The following SUMF1 variants were observed in gnomAD, a reference collection of about 807,000 sequenced individuals.
The protein encoded by SUMF1 is sulfatase modifying factor 1, also known as formylglycine-generating enzyme.
A neutral mutation model predicts 47.6 loss-of-function variants in SUMF1; 48 were observed. The observed-to-expected ratio is 1.01, with a 90% CI of 0.80 to 1.28. The LOEUF (loss-of-function observed/expected upper bound fraction) is 1.28. SUMF1 is among the 50% of genes most tolerant of loss of function. The pLI is 0.00. For synonymous variants in SUMF1, 230 were observed against 192.1 expected (o/e 1.20, Z -1.63); for missense variants, 571 against 485.4 (o/e 1.18, Z -1.66).
chr3:4,067,936 T>C (rs1458753907), intron 9 of SUMF1, among the ~76,000 whole-genome samples: 1 of 152,160 alleles, frequency 6.6e-6, no homozygotes, highest in Non-Finnish European at 1.5e-5. Context: ...TTGTCCCTTT[T>C]TTCAGATAAA....
intron 7 of SUMF1, among the ~76,000 whole-genome samples, chr3:4,404,783 A>T (rs1271045276): frequency 1.3e-5 from 2 of 152,140 alleles, no homozygotes; most frequent in Non-Finnish European, 2.9e-5. Flanking sequence ...AAAACAAAAC[A>T]AAACAAAAAA....
intron 5 of SUMF1, 101 bp downstream of exon 5, chr3:4,417,906 GTTA>G: frequency 1.9e-6 from 3 of 1,570,916 alleles, no homozygotes; most frequent in Non-Finnish European, 2.6e-6. Flanking sequence ...AATTATTGTC[GTTA>G]TTAACTTTCT....
chr3:4,243,185 C>G (rs942132000), intron 8 of SUMF1, among the ~76,000 whole-genome samples: 12 of 152,048 alleles, frequency 7.9e-5, no homozygotes, highest in Admixed American at 1.3e-4. Context: ...AGTGGTCTAT[C>G]TATTTTGTTG....
At chr3:4,242,404 C>T (rs544429097) in intron 8 of SUMF1, among the ~76,000 whole-genome samples, 2 of 152,202 alleles carry the variant, frequency 1.3e-5, no homozygotes, top group African/African-American at 4.8e-5. Context: ...ATGATACTGG[C>T]TGTGGGTTTG....
intron 8 of SUMF1, among the ~76,000 whole-genome samples, chr3:4,261,185 C>A (rs978793956): frequency 4.6e-5 from 7 of 152,118 alleles, no homozygotes; most frequent in African/African-American, 1.7e-4. Flanking sequence ...ATGAGCCTGC[C>A]TTGATTGACC....
intron 8 of SUMF1, among the ~76,000 whole-genome samples, chr3:4,111,070 A>G (rs187818966): frequency 1.6e-4 from 25 of 151,528 alleles, no homozygotes; most frequent in African/African-American, 5.6e-4. Flanking sequence ...CAAAGTCAGC[A>G]TTTTTTTTAA....
intron 3 of SUMF1, among the ~76,000 whole-genome samples, chr3:4,428,582 G>A (rs972475041): frequency 2.0e-5 from 3 of 152,128 alleles, no homozygotes; most frequent in Non-Finnish European, 4.4e-5. Flanking sequence ...TTGAACTCCT[G>A]TCCTCAAGCA....
chr3:4,114,494 T>G (rs1693379264), intron 8 of SUMF1, among the ~76,000 whole-genome samples: 1 of 152,182 alleles, frequency 6.6e-6, no homozygotes, highest in Admixed American at 6.5e-5. Flanking sequence ...TATGCTGCCC[T>G]TATTGACTAA....
intron 8 of SUMF1, among the ~76,000 whole-genome samples, chr3:4,239,994 T>C (rs1023389039): frequency 6.6e-6 from 1 of 152,234 alleles, no homozygotes; most frequent in African/African-American, 2.4e-5. Context: ...TTGAATTTTG[T>C]TGAAGGCCCT....
At chr3:4,362,467 T>C (rs924116291) in intron 8 of SUMF1, among the ~76,000 whole-genome samples, 2 of 152,116 alleles carry the variant, frequency 1.3e-5, no homozygotes, top group South Asian at 2.1e-4. Flanking sequence ...AACACGGATA[T>C]AGTACAAAGA....
intron 8 of SUMF1, among the ~76,000 whole-genome samples, chr3:4,330,223 T>C (rs901270326): frequency 1.3e-5 from 2 of 152,234 alleles, no homozygotes; most frequent in Admixed American, 6.5e-5. Flanking sequence ...AACCTCTGCC[T>C]GTTACCCAGT....
intron 8 of SUMF1, among the ~76,000 whole-genome samples, chr3:4,254,313 C>G (rs1293493766): frequency 6.6e-6 from 1 of 151,486 alleles, no homozygotes; most frequent in Non-Finnish European, 1.5e-5. Flanking sequence ...TCAAATTACT[C>G]TGAGCTATGG....
rs1239139518 is a variant in SUMF1 at position 4,220,625 on chromosome 3, T to A, written c.1015-151880A>T. 2.6e-5 allele frequency among the ~76,000 whole-genome samples: 4 copies of A among 152,260 alleles called. No homozygotes were observed. The East Asian group carries it at 7.7e-4, about 29-fold the overall frequency. ...TCTTGGATGATGTTTTAGGTTTTTA[T>A]CTTTCTCATAGCAGATGCTAAAATC... On this transcript the variant is annotated intron_variant and NMD_transcript_variant, in intron 8 of 12. Transcript: ENST00000448413.
At chr3:4,284,964 C>T (rs1248086328) in intron 8 of SUMF1, among the ~76,000 whole-genome samples, 1 of 152,106 alleles carries the variant, frequency 6.6e-6, no homozygotes, top group African/African-American at 2.4e-5. Context: ...TAAGCTTTCA[C>T]CCCCATTTAT....
chr3:4,302,491 T>G (rs1697994321), intron 8 of SUMF1, among the ~76,000 whole-genome samples: 1 of 151,790 alleles, frequency 6.6e-6, no homozygotes, highest in Non-Finnish European at 1.5e-5. Context: ...GAGAACAGAT[T>G]GTAAATGTTT....
At chr3:4,367,230 G>A (rs558874293) in intron 8 of SUMF1, among the ~76,000 whole-genome samples, 13 of 152,228 alleles carry the variant, frequency 8.5e-5, no homozygotes, top group South Asian at 4.1e-4. Flanking sequence ...CGTGCTGGGA[G>A]AACCACTGCT....
At chr3:4,100,429 C>G (rs1317848982) in intron 8 of SUMF1, among the ~76,000 whole-genome samples, 1 of 151,956 alleles carries the variant, frequency 6.6e-6, no homozygotes, top group Non-Finnish European at 1.5e-5. Flanking sequence ...GCCAAGAACA[C>G]TAATGGGGAA....
chr3:4,099,880 TGTAAA>T (rs1692992090), intron 8 of SUMF1, among the ~76,000 whole-genome samples: 1 of 149,624 alleles, frequency 6.7e-6, no homozygotes. Context: ...AATACATAGG[TGTAAA>T]TTAAACTAAG....
intron 9 of SUMF1, among the ~76,000 whole-genome samples, chr3:4,042,293 C>T (rs1442659123): frequency 6.6e-6 from 1 of 151,994 alleles, no homozygotes; most frequent in African/African-American, 2.4e-5. Context: ...TGACAATTGT[C>T]CAAATCAAAA....
Sources: gnomAD v4.1 joint callset for allele counts (sites outside exome capture counted in the v4.1 genomes callset) on GRCh38, gnomAD v4.1.1 for gene constraint, MANE v1.5 for transcripts, NCBI Gene and HGNC (gene_info 2026-07-23, HGNC 2026-07-21) for gene names.